ADGRL2: variants seen among roughly 807,000 people sequenced by gnomAD.
ADGRL2 encodes calcium-independent alpha-latrotoxin receptor 2.
In ADGRL2, 44 loss-of-function variants were observed where a neutral mutation model predicts 157.4. The ratio of observed to expected loss-of-function variants is 0.28; its 90% confidence interval spans 0.22 to 0.36. The LOEUF (loss-of-function observed/expected upper bound fraction) is 0.36. Ranked by LOEUF, ADGRL2 falls within the 10% of genes least tolerant of loss-of-function variation. ADGRL2 has a pLI of 1.00. For synonymous variants in ADGRL2, 585 were observed against 624.7 expected (o/e 0.94, Z 0.95); for missense variants, 1,510 against 1,768.9 (o/e 0.85, Z 2.63).
chr1:81,478,024 A>AT (rs987706724), intron 2 of ADGRL2, among the ~76,000 whole-genome samples: 1 of 151,140 alleles, frequency 6.6e-6, no homozygotes, highest in Non-Finnish European at 1.5e-5. Flanking sequence ...TTTGAGAGTA[A>AT]TTTTTTTGCA....
chr1:81,529,816 A>G (rs12032343), intron 2 of ADGRL2, among the ~76,000 whole-genome samples: 13,591 of 152,232 alleles, frequency 0.089, 973 homozygotes, highest in East Asian at 0.22. Context: ...CCAGCAGTCT[A>G]AAGCCCAAAG....
At chr1:81,629,673 G>A (rs370494359) in intron 3 of ADGRL2, among the ~76,000 whole-genome samples, 18,749 of 101,374 alleles carry the variant, frequency 0.18, 1,563 homozygotes, top group Non-Finnish European at 0.24. Context: ...GTATATGTGT[G>A]TGTGTGTGTG....
At chr1:81,366,000 A>G (rs2076060058) in intron 1 of ADGRL2, among the ~76,000 whole-genome samples, 1 of 152,178 alleles carries the variant, frequency 6.6e-6, no homozygotes, top group Non-Finnish European at 1.5e-5. Flanking sequence ...GTTTATTTCC[A>G]TTCTTTGCTA....
intron 2 of ADGRL2, among the ~76,000 whole-genome samples, chr1:81,850,371 A>G (rs571245687): frequency 6.6e-6 from 1 of 151,998 alleles, no homozygotes; most frequent in Non-Finnish European, 1.5e-5. Flanking sequence ...TATCTACAAC[A>G]TGTGAGTCAT....
intron 2 of ADGRL2, among the ~76,000 whole-genome samples, chr1:81,448,503 A>T (rs1370064268): frequency 6.6e-6 from 1 of 151,942 alleles, no homozygotes; most frequent in African/African-American, 2.4e-5. Flanking sequence ...GCAATGTGAG[A>T]ATGAAATAAT....
At chr1:81,326,018 T>C (rs1251895294) in intron 1 of ADGRL2, among the ~76,000 whole-genome samples, 1 of 152,214 alleles carries the variant, frequency 6.6e-6, no homozygotes, top group Admixed American at 6.5e-5. Context: ...AAAACAATTC[T>C]TTAGAAATTT....
At chr1:81,905,369 A>G (rs1284577628) in intron 2 of ADGRL2, among the ~76,000 whole-genome samples, 3 of 152,136 alleles carry the variant, frequency 2.0e-5, no homozygotes, top group Non-Finnish European at 4.4e-5. Flanking sequence ...AAGTGCTGGG[A>G]TTACAAGCGT....
intron 2 of ADGRL2, among the ~76,000 whole-genome samples, chr1:81,859,836 A>G (rs2093333847): frequency 6.6e-6 from 1 of 152,156 alleles, no homozygotes; most frequent in Non-Finnish European, 1.5e-5. Flanking sequence ...AAATTCAGAC[A>G]TCATAGAAAA....
chr1:81,403,938 C>T (rs919661771), intron 1 of ADGRL2, among the ~76,000 whole-genome samples: 29 of 152,062 alleles, frequency 1.9e-4, no homozygotes, highest in African/African-American at 6.7e-4. Flanking sequence ...GCTGGGACTA[C>T]AGGTGCGCAC....
At chr1:81,537,982 G>A (rs1210304425) in intron 2 of ADGRL2, among the ~76,000 whole-genome samples, 3 of 152,154 alleles carry the variant, frequency 2.0e-5, no homozygotes, top group Non-Finnish European at 4.4e-5. Context: ...TTACAGGTAT[G>A]AGCCACCATG....
At chr1:81,526,171 A>G (rs888300574) in intron 2 of ADGRL2, among the ~76,000 whole-genome samples, 1 of 152,240 alleles carries the variant, frequency 6.6e-6, no homozygotes, top group South Asian at 2.1e-4. Flanking sequence ...CTTGTATCAT[A>G]TAGTGCATTT....
intron 3 of ADGRL2, among the ~76,000 whole-genome samples, chr1:81,654,194 A>G (rs2082481342): frequency 6.6e-6 from 1 of 151,990 alleles, no homozygotes; most frequent in Non-Finnish European, 1.5e-5. Flanking sequence ...AATCCACCGA[A>G]CTTGGCCTCC....
chr1:81,884,434 T>G (rs536789570), intron 2 of ADGRL2, among the ~76,000 whole-genome samples: 1 of 152,338 alleles, frequency 6.6e-6, no homozygotes, highest in African/African-American at 2.4e-5. Context: ...TCTACCAGAC[T>G]TTCTGCTCTG....
chr1:81,374,784 G>A (rs1373060181), intron 1 of ADGRL2, among the ~76,000 whole-genome samples: 2 of 152,058 alleles, frequency 1.3e-5, no homozygotes, highest in East Asian at 3.9e-4. Flanking sequence ...TAGGATCCTG[G>A]GATTTACTGA....
intron 1 of ADGRL2, among the ~76,000 whole-genome samples, chr1:81,331,794 T>C (rs764102876): frequency 6.6e-6 from 1 of 152,182 alleles, no homozygotes; most frequent in Non-Finnish European, 1.5e-5. Context: ...GTACTTAGTA[T>C]GCATTATGAT....
chr1:81,640,108 T>A (rs575268784), intron 3 of ADGRL2, among the ~76,000 whole-genome samples: 2 of 152,290 alleles, frequency 1.3e-5, no homozygotes, highest in South Asian at 4.1e-4. Context: ...CCCTGTATCC[T>A]CTCAAAGTTT....
upstream of ADGRL2, among the ~76,000 whole-genome samples, chr1:81,697,983 A>G (rs1408264736): frequency 6.6e-6 from 1 of 152,214 alleles, no homozygotes; most frequent in South Asian, 2.1e-4. Context: ...CATTTAGGAA[A>G]GGCATGGACA....
At chr1:81,924,255 T>C (rs2095054002) in intron 3 of ADGRL2, among the ~76,000 whole-genome samples, 1 of 152,168 alleles carries the variant, frequency 6.6e-6, no homozygotes, top group South Asian at 2.1e-4. Context: ...AGAAGCATAG[T>C]ATCCTAAGCT....
At position 81,952,975 on chromosome 1, in the gene ADGRL2, T is replaced by A; in HGVS notation, c.1795-12T>A. ...ATCTAACCTCTGATTTTTCTTTTCT[T>A]TTACTTAAAAGCTCCAAAAACGAGA... On this transcript the variant is annotated splice_polypyrimidine_tract_variant and intron_variant, in intron 9 of 23. Coordinates refer to ENST00000686636, the MANE Select transcript of ADGRL2 (RefSeq NM_001366006.2). 2 of 1,608,926 alleles carry A rather than the reference T, an allele frequency of 1.2e-6. No homozygotes were observed. Among genetic ancestry groups the A allele is most frequent in the Non-Finnish European group, 1.7e-6 (2 of 1,176,638 alleles).
Sources: gnomAD v4.1 joint callset for allele counts (sites outside exome capture counted in the v4.1 genomes callset) on GRCh38, gnomAD v4.1.1 for gene constraint, MANE v1.5 for transcripts, NCBI Gene and HGNC (gene_info 2026-07-23, HGNC 2026-07-21) for gene names.